ASH1L: variants seen among roughly 807,000 people sequenced by gnomAD.
The protein encoded by ASH1L is histone-lysine N-methyltransferase ASH1L.
A neutral mutation model predicts 269.0 loss-of-function variants in ASH1L; 23 were observed. The observed-to-expected ratio is 0.09, with a 90% CI of 0.06 to 0.12. ASH1L has a LOEUF of 0.12. Among genes scored for constraint, ASH1L ranks in the 10% least tolerant of loss-of-function variants. The pLI, the probability that ASH1L is intolerant of heterozygous loss-of-function variation, is 1.00. For synonymous variants in ASH1L, 1,187 were observed against 1,253.5 expected (o/e 0.95, Z 1.12); for missense variants, 2,912 against 3,567.8 (o/e 0.82, Z 4.68).
chr1:155,552,011 A>T (rs907290252), intron 1 of ASH1L, among the ~76,000 whole-genome samples: 2 of 152,094 alleles, frequency 1.3e-5, no homozygotes, highest in Non-Finnish European at 2.9e-5. Context: ...ACAACACGTA[A>T]TATACTGGCT....
At chr1:155,355,281 C>T (rs904048123) in intron 15 of ASH1L, among the ~76,000 whole-genome samples, 2 of 152,232 alleles carry the variant, frequency 1.3e-5, no homozygotes, top group African/African-American at 4.8e-5. Flanking sequence ...GAACTCCTGA[C>T]ATCAGGTGAT....
At chr1:155,344,495 C>T (rs971320907) in intron 21 of ASH1L, 8 of 436,196 alleles carry the variant, frequency 1.8e-5, no homozygotes, top group African/African-American at 4.0e-5. Flanking sequence ...TTATGAAGCA[C>T]TAATTGTGTA....
In ASH1L at chr1:155,380,136, TA is replaced by T; in HGVS notation, c.6104-21del. ...ACTTTCCTGAAACAAAAAACACTAT[TA>T]ATTTCAATACCTTTTCTAATATTTG... On this transcript the variant is annotated intron_variant, in intron 7 of 27. Coordinates refer to ENST00000392403, the MANE Select transcript of ASH1L (RefSeq NM_018489.3). 1 of 1,567,184 alleles carries T rather than the reference TA, an allele frequency of 6.4e-7. No individual in the cohort carries two copies. The highest frequency in any genetic ancestry group is 8.8e-7 in the Non-Finnish European group (1 of 1,137,656).
intron 15 of ASH1L, among the ~76,000 whole-genome samples, chr1:155,355,007 C>A (rs752953659): frequency 1.3e-5 from 2 of 152,246 alleles, no homozygotes; most frequent in South Asian, 4.1e-4. Flanking sequence ...AAGATGGATA[C>A]GCACTGGGCA....
At chr1:155,511,410 C>T (rs983136962) in intron 2 of ASH1L, among the ~76,000 whole-genome samples, 1 of 152,190 alleles carries the variant, frequency 6.6e-6, no homozygotes, top group Non-Finnish European at 1.5e-5. Flanking sequence ...GTTTTATTCC[C>T]TCTCTGGAGA....
chr1:155,352,902 T>A, intron 16 of ASH1L, 44 bp from the exon 17 acceptor site: 1 of 1,536,434 alleles, frequency 6.5e-7, no homozygotes, highest in Admixed American at 2.0e-5. Context: ...AACAAGGAGC[T>A]CTACATGTCT....
chr1:155,394,253 G>A (rs1658177848), intron 7 of ASH1L, among the ~76,000 whole-genome samples: 1 of 152,130 alleles, frequency 6.6e-6, no homozygotes, highest in Non-Finnish European at 1.5e-5. Flanking sequence ...AAGAAGGCCA[G>A]TATGACACAA....
intron 1 of ASH1L, among the ~76,000 whole-genome samples, chr1:155,542,225 T>A (rs1670471628): frequency 6.6e-6 from 1 of 152,130 alleles, no homozygotes; most frequent in African/African-American, 2.4e-5. Flanking sequence ...AAAGTTCAAG[T>A]TGTATCAGAA....
At chr1:155,401,127 C>T (rs1249637448) in intron 6 of ASH1L, among the ~76,000 whole-genome samples, 1 of 151,282 alleles carries the variant, frequency 6.6e-6, no homozygotes, top group Non-Finnish European at 1.5e-5. Context: ...TGCCACTGCA[C>T]GCCAGCCAGG....
At chr1:155,490,512 G>A (rs1666690386) in intron 2 of ASH1L, among the ~76,000 whole-genome samples, 1 of 151,260 alleles carries the variant, frequency 6.6e-6, no homozygotes, top group South Asian at 2.1e-4. Context: ...CCCAGCTTCT[G>A]AGGTAGGCTG....
intron 3 of ASH1L, among the ~76,000 whole-genome samples, chr1:155,468,396 G>T (rs116045913): frequency 0.02 from 3,104 of 152,024 alleles, 100 homozygotes; most frequent in African/African-American, 0.072. Flanking sequence ...TTCTTTAAAA[G>T]TCAGCAGTCC....
chr1:155,380,832 G>A (rs557003213), intron 7 of ASH1L, among the ~76,000 whole-genome samples: 2 of 150,502 alleles, frequency 1.3e-5, no homozygotes, highest in Admixed American at 6.6e-5. Flanking sequence ...TAGAGACAGG[G>A]TTTCTCCATG....
intron 1 of ASH1L, among the ~76,000 whole-genome samples, chr1:155,527,849 G>A (rs1426122355): frequency 2.0e-5 from 3 of 151,774 alleles, no homozygotes; most frequent in Non-Finnish European, 2.9e-5. Flanking sequence ...CCCAGCTCTG[G>A]GACTCCTCTC....
chr1:155,550,874 A>T (rs1671146727), intron 1 of ASH1L, among the ~76,000 whole-genome samples: 1 of 152,188 alleles, frequency 6.6e-6, no homozygotes. Flanking sequence ...CCCAGGCTAG[A>T]GTGCAGTGGT....
Position 155,436,491 on chromosome 1 carries a change from C to CTTTT in ASH1L, c.5828+1832_5828+1835dup, listed in dbSNP as rs60270333. Among the ~76,000 whole-genome samples, 428 of 80,540 alleles carry CTTTT rather than the reference C, an allele frequency of 5.3e-3. 38 individuals are homozygous for CTTTT. In the East Asian group the frequency reaches 0.074, roughly 14 times the overall value. 52.8% of individuals were successfully genotyped at this position (80,540 alleles called of 152,430 possible). ...ACAGGCGTGAGCCACCATGCGTGGA[C>CTTTT]TTTTTTTTTTTTTTTTTTTTTTTGA... On this transcript the variant is annotated intron_variant, in intron 5 of 27. Coordinates refer to ENST00000392403, the MANE Select transcript of ASH1L (RefSeq NM_018489.3).
intron 2 of ASH1L, among the ~76,000 whole-genome samples, chr1:155,506,385 T>C (rs1220608471): frequency 6.6e-6 from 1 of 152,192 alleles, no homozygotes; most frequent in Non-Finnish European, 1.5e-5. Context: ...ACTATTATTA[T>C]CCATTTTTCT....
chr1:155,539,265 T>C (rs1329983389), intron 1 of ASH1L, among the ~76,000 whole-genome samples: 1 of 151,144 alleles, frequency 6.6e-6, no homozygotes, highest in Non-Finnish European at 1.5e-5. Flanking sequence ...ACACCAAAAC[T>C]TCTGAATGTC....
intron 3 of ASH1L, among the ~76,000 whole-genome samples, chr1:155,465,334 G>C (rs112821708): frequency 2.0e-5 from 3 of 147,212 alleles, no homozygotes; most frequent in South Asian, 4.3e-4. Context: ...ATCAATAGTT[G>C]GTTGGACAAA....
At chr1:155,548,558 C>A (rs1160502951) in intron 1 of ASH1L, among the ~76,000 whole-genome samples, 1 of 152,108 alleles carries the variant, frequency 6.6e-6, no homozygotes, top group Non-Finnish European at 1.5e-5. Context: ...CATTCATTCA[C>A]CAACCATTTT....
Sources: allele counts gnomAD v4.1 joint callset (sites outside exome capture counted in the v4.1 genomes callset), GRCh38; gene constraint gnomAD v4.1.1; transcripts MANE v1.5; gene names NCBI Gene and HGNC (gene_info 2026-07-23, HGNC 2026-07-21).